The following JPT2 variants were observed in gnomAD, a reference collection of about 807,000 sequenced individuals.
JPT2 encodes the protein Jupiter microtubule associated homolog 2, also known as CRAMP_1 like.
Under a neutral mutation model 15.9 loss-of-function variants are expected in JPT2, and 9 were observed. The ratio of observed to expected loss-of-function variants is 0.57; its 90% CI spans 0.34 to 0.99. The LOEUF is 0.99. Among genes scored for constraint, JPT2 ranks in the 50% least tolerant of loss-of-function variants. The pLI, the probability that JPT2 is intolerant of heterozygous loss-of-function variation, is 0.02. For missense variants in JPT2, 267 were observed against 252.1 expected (o/e 1.06, Z -0.40); for synonymous variants, 95 against 91.7 (o/e 1.04, Z -0.21).
rs1385500219 is a variant in JPT2 at position 1,698,033 on chromosome 16, G to T, written c.385+173G>T. 6.6e-6 allele frequency among the ~76,000 whole-genome samples: 1 copy of T among 152,198 alleles called. No individual in the cohort carries two copies. Among genetic ancestry groups the T allele is most frequent in the African/African-American group, 2.4e-5 (1 of 41,464 alleles). On this transcript the variant is annotated intron_variant, in intron 4 of 4. Transcript: ENST00000248098. This position sits in a 1 kb window ranked among gnomAD's most constrained non-coding sequence, Gnocchi z 4.9. ...AGGATTCAGCATTTGAAGAAGGCTA[G>T]GGTGAAACCCTGGGACTTGGTTGTC...
At chr16:1,680,044 GC>G (rs1175516166) in intron 1 of JPT2, among the ~76,000 whole-genome samples, 1 of 152,212 alleles carries the variant, frequency 6.6e-6, no homozygotes, top group Non-Finnish European at 1.5e-5. Flanking sequence ...GGATGACAGA[GC>G]AAGACTCCGT....
At chr16:1,692,530 C>G (rs1291351917) in intron 3 of JPT2, 1 of 162,092 alleles carries the variant, frequency 6.2e-6, no homozygotes, top group Non-Finnish European at 1.4e-5. Flanking sequence ...CTACACGATG[C>G]GACCTCGGGC....
intron 1 of JPT2, among the ~76,000 whole-genome samples, chr16:1,681,992 T>A (rs1453684772): frequency 6.6e-6 from 1 of 152,212 alleles, no homozygotes; most frequent in Non-Finnish European, 1.5e-5. Context: ...TTCAGTTCAG[T>A]TCGAAAGATT....
chr16:1,685,711 T>C, intron 2 of JPT2, 124 bp downstream of exon 2: 1 of 1,072,972 alleles, frequency 9.3e-7, no homozygotes, highest in Non-Finnish European at 1.3e-6. Flanking sequence ...GTTATCAGAG[T>C]TCTTCCAAAA....
At chr16:1,683,917 C>A (rs934763534) in intron 1 of JPT2, among the ~76,000 whole-genome samples, 1 of 152,052 alleles carries the variant, frequency 6.6e-6, no homozygotes, top group African/African-American at 2.4e-5. Context: ...TTCCAGGACC[C>A]CCAGGATGCC....
Position 1,691,831 on chromosome 16 carries a change from T to C in JPT2, c.194-12T>C, listed in dbSNP as rs1375932539. ...CGTCTGGTTGCTCAGTGTTCTGTGATCGTTTCTGCAGGGGGTAAAGGAAGT... is the reference window on the plus strand; with the variant it reads ...CGTCTGGTTGCTCAGTGTTCTGTGACCGTTTCTGCAGGGGGTAAAGGAAGT... On this transcript the variant is annotated splice_polypyrimidine_tract_variant and intron_variant, in intron 2 of 4. Coordinates refer to ENST00000248098, the MANE Select transcript of JPT2 (RefSeq NM_144570.3). The C allele has an allele frequency of 6.8e-6, 11 of 1,611,488 alleles. No homozygotes were observed. The highest frequency in any genetic ancestry group is 9.3e-6 in the Non-Finnish European group (11 of 1,178,992).
At chr16:1,694,702 T>C (rs1410203936) in intron 3 of JPT2, among the ~76,000 whole-genome samples, 4 of 152,066 alleles carry the variant, frequency 2.6e-5, no homozygotes, top group African/African-American at 9.7e-5. Flanking sequence ...TTTTTTTTTT[T>C]CACAAGGGTG....
chr16:1,698,929 G>A lies in JPT2; in HGVS notation c.504G>A (p.Gly168=). Residue 168 remains glycine (G), a synonymous_variant, in exon 5 of 5, where the codon GGG becomes GGA. Coordinates refer to ENST00000248098, the MANE Select transcript of JPT2 (RefSeq NM_144570.3). This position sits in a 1 kb window ranked among gnomAD's most constrained non-coding sequence, Gnocchi z 4.9. The part of the protein sequence containing the change: ...PTVDSHEPRL[G]PRPRSHNKVL... Reference sequence around the variant, plus strand: ...TCGACAGCCATGAGCCCCGGCTGGGGCCGCGGCCTCGCTCTCACAACAAGG... The same window carrying A: ...TCGACAGCCATGAGCCCCGGCTGGGACCGCGGCCTCGCTCTCACAACAAGG... The A allele has an allele frequency of 6.2e-7, 1 of 1,614,214 alleles. No individual in the cohort carries two copies. Among genetic ancestry groups the A allele is most frequent in the Non-Finnish European group, 8.5e-7 (1 of 1,180,044 alleles).
chr16:1,697,666 C>G (rs2037152221), intron 3 of JPT2, 146 bp from the exon 4 acceptor site: 3 of 654,382 alleles, frequency 4.6e-6, no homozygotes, highest in Non-Finnish European at 8.2e-6. Flanking sequence ...TCAGAATAGT[C>G]TGTAGAGGAT....
chr16:1,687,748 A>G (rs533103956), intron 2 of JPT2, among the ~76,000 whole-genome samples: 11 of 152,174 alleles, frequency 7.2e-5, no homozygotes, highest in African/African-American at 2.4e-4. Flanking sequence ...GAGTTTTCCT[A>G]TCTCTCCAGT....
At chr16:1,688,707 C>T (rs1485350094) in intron 2 of JPT2, 6 of 152,086 alleles carry the variant, frequency 3.9e-5, no homozygotes, top group Non-Finnish European at 8.8e-5. Flanking sequence ...GGCCCAATCT[C>T]CCAAATAAAT....
intron 3 of JPT2, among the ~76,000 whole-genome samples, chr16:1,694,252 T>G (rs191178854): frequency 3.3e-5 from 5 of 152,198 alleles, no homozygotes; most frequent in Admixed American, 6.5e-5. Flanking sequence ...CCAACACTTA[T>G]GGGCCTGGGA....
chr16:1,690,879 T>G (rs1032389669), intron 2 of JPT2, among the ~76,000 whole-genome samples: 2 of 152,274 alleles, frequency 1.3e-5, no homozygotes, highest in African/African-American at 4.8e-5. Flanking sequence ...ATTTGACATA[T>G]GAGCTACAGT....
In JPT2 at chr16:1,680,519, T is replaced by C. The variant is rs1019590595; in HGVS notation, c.44+2163T>C. Reference sequence around the variant, plus strand: ...ATGAGGTATCACTGGAAGCTTCTGCTTGGGGTCCACCAGACGCTGCACATT... The same window carrying C: ...ATGAGGTATCACTGGAAGCTTCTGCCTGGGGTCCACCAGACGCTGCACATT... On this transcript the variant is annotated intron_variant, in intron 1 of 4. Coordinates refer to ENST00000248098, the MANE Select transcript of JPT2 (RefSeq NM_144570.3). 8.1e-6 allele frequency: 10 copies of C among 1,231,676 alleles called. No individual in the cohort carries two copies. In the African/African-American group the frequency reaches 9.4e-5, roughly 12 times the overall value. 76.3% of individuals were successfully genotyped at this position (1,231,676 alleles called of 1,614,324 possible). A position where few individuals can be genotyped will look rare whatever the true frequency, so the allele number is the denominator to read the frequency against.
At chr16:1,681,811 G>GAT (rs941398785) in intron 1 of JPT2, among the ~76,000 whole-genome samples, 6 of 152,234 alleles carry the variant, frequency 3.9e-5, no homozygotes, top group African/African-American at 1.4e-4. Flanking sequence ...TGTGAATGTA[G>GAT]GGAATGTGGG....
chr16:1,685,417 G>A lies in JPT2; in HGVS notation c.45-22G>A, dbSNP rs1480062234. ...GCTTTCAGGTCTGCCATCAGTAATT[G>A]GCATGTACTCTGTGCTTGTAGGGCC... On this transcript the variant is annotated intron_variant, in intron 1 of 4. Coordinates refer to ENST00000248098, the MANE Select transcript of JPT2 (RefSeq NM_144570.3). 7 of 1,613,266 alleles carry A rather than the reference G, an allele frequency of 4.3e-6. No homozygotes were observed. In the East Asian group the frequency reaches 8.9e-5, roughly 21 times the overall value.
chr16:1,697,669 TAG>T, intron 3 of JPT2, 141 bp from the exon 4 acceptor site: 1 of 672,530 alleles, frequency 1.5e-6, no homozygotes, highest in East Asian at 2.6e-5. Flanking sequence ...GAATAGTCTG[TAG>T]AGGATTGGGG....
intron 1 of JPT2, among the ~76,000 whole-genome samples, chr16:1,683,882 A>G (rs968244541): frequency 6.6e-6 from 1 of 152,206 alleles, no homozygotes; most frequent in African/African-American, 2.4e-5. Flanking sequence ...AAGTATGGTC[A>G]TCCTTGGTAT....
chr16:1,697,764 G>T (rs371897442), intron 3 of JPT2, 48 bp from the exon 4 acceptor site: 2 of 1,582,884 alleles, frequency 1.3e-6, no homozygotes, highest in Non-Finnish European at 1.7e-6. Flanking sequence ...TTGAATGAGG[G>T]TAAAATTTTC....
Sources: allele counts gnomAD v4.1 joint callset (sites outside exome capture counted in the v4.1 genomes callset), GRCh38; gene constraint gnomAD v4.1.1; non-coding constraint Gnocchi (gnomAD v3.1); transcripts MANE v1.5; gene names NCBI Gene and HGNC (gene_info 2026-07-23, HGNC 2026-07-21).